The following CREB3L2 variants were observed in gnomAD, a reference collection of about 807,000 sequenced individuals.
CREB3L2 encodes cyclic AMP-responsive element-binding protein 3-like protein 2.
Under a neutral mutation model 57.2 loss-of-function variants are expected in CREB3L2, and 23 were observed. That is an observed-to-expected ratio of 0.40 (90% CI 0.29 to 0.57). CREB3L2 has a LOEUF of 0.57. Among genes scored for constraint, CREB3L2 ranks in the 20% least tolerant of loss-of-function variants. The pLI, the probability that CREB3L2 is intolerant of heterozygous loss-of-function variation, is 0.42. For synonymous variants in CREB3L2, 268 were observed against 265.1 expected (o/e 1.01, Z -0.11); for missense variants, 628 against 634.7 (o/e 0.99, Z 0.11).
At chr7:137,995,662 A>C (rs1377483930) in intron 1 of CREB3L2, among the ~76,000 whole-genome samples, 1 of 152,096 alleles carries the variant, frequency 6.6e-6, no homozygotes, top group Non-Finnish European at 1.5e-5. Flanking sequence ...CTCTTGCAAC[A>C]TGAGATAATT....
intron 4 of CREB3L2, among the ~76,000 whole-genome samples, chr7:137,911,071 C>T: frequency 6.6e-6 from 1 of 152,202 alleles, no homozygotes; most frequent in Non-Finnish European, 1.5e-5. Flanking sequence ...TTCTGAACCA[C>T]ATCACAGCAT....
At position 137,879,342 on chromosome 7, in the gene CREB3L2, A is replaced by T; in HGVS notation, c.*1134T>A. The T allele has an allele frequency of 2.0e-6, 1 of 510,956 alleles. No homozygotes were observed. The allele number at this position is 510,956 out of a possible 1,614,324, so 31.7% of individuals were successfully genotyped here. ...CGAGGAGGACAAAGTGGAAGTGTGG[A>T]GGGAGGAGGGGGCCAGGCAGGTGTG... On this transcript the variant is annotated 3_prime_UTR_variant, in exon 12 of 12. Transcript: ENST00000330387.
At chr7:137,984,237 T>C (rs1212777438) in intron 1 of CREB3L2, among the ~76,000 whole-genome samples, 1 of 152,218 alleles carries the variant, frequency 6.6e-6, no homozygotes, top group Admixed American at 6.5e-5. Context: ...TCTTCCTTAC[T>C]ATCAGACACC....
intron 1 of CREB3L2, among the ~76,000 whole-genome samples, chr7:137,968,754 C>T (rs1259760906): frequency 6.6e-6 from 1 of 152,162 alleles, no homozygotes; most frequent in Non-Finnish European, 1.5e-5. Context: ...CCCAGTATAC[C>T]ATCAGCTCAG....
intron 2 of CREB3L2, among the ~76,000 whole-genome samples, chr7:137,920,060 A>G (rs903189466): frequency 2.6e-5 from 4 of 152,168 alleles, no homozygotes; most frequent in African/African-American, 9.7e-5. Context: ...GGGTGTTTAG[A>G]AGCCCTTGAC....
intron 1 of CREB3L2, among the ~76,000 whole-genome samples, chr7:137,929,905 ATTTT>A (rs941697728): frequency 6.8e-6 from 1 of 146,344 alleles, no homozygotes; most frequent in African/African-American, 2.5e-5. Context: ...AATTAAAATA[ATTTT>A]TTTTTTGAGA....
At chr7:137,900,476 C>A (rs374818198) in intron 8 of CREB3L2, among the ~76,000 whole-genome samples, 98 of 152,186 alleles carry the variant, frequency 6.4e-4, no homozygotes, top group African/African-American at 2.2e-3. Context: ...AATAAACTAG[C>A]TAATTTTAAA....
At position 137,879,879 on chromosome 7, in the gene CREB3L2, T is replaced by C. The variant is rs959239579; in HGVS notation, c.*597A>G. 2 of 235,636 alleles carry C rather than the reference T, an allele frequency of 8.5e-6. No individual in the cohort carries two copies. Among genetic ancestry groups the C allele is most frequent in the Non-Finnish European group, 1.7e-5 (2 of 119,436 alleles). 14.6% of individuals were successfully genotyped at this position (235,636 alleles called of 1,614,324 possible). On this transcript the variant is annotated 3_prime_UTR_variant, in exon 12 of 12. Coordinates refer to ENST00000330387, the MANE Select transcript of CREB3L2 (RefSeq NM_194071.4). ...AGAAAAGCCTGATCCCCTCAGGCAT[T>C]GCACTTGCGGCCTGAGAATATGAAC...
At chr7:137,964,965 C>T (rs754345892) in intron 1 of CREB3L2, among the ~76,000 whole-genome samples, 1 of 152,096 alleles carries the variant, frequency 6.6e-6, no homozygotes, top group Admixed American at 6.6e-5. Flanking sequence ...TTTTGCCTTC[C>T]GCCAACCACG....
chr7:137,973,549 T>C (rs530711196), intron 1 of CREB3L2, among the ~76,000 whole-genome samples: 2 of 152,240 alleles, frequency 1.3e-5, no homozygotes, highest in Non-Finnish European at 2.9e-5. Context: ...AGAGATATCC[T>C]AAAGTCAAGA....
chr7:137,905,392 TAAAA>T (rs35597981), intron 6 of CREB3L2, among the ~76,000 whole-genome samples: 164 of 137,542 alleles, frequency 1.2e-3, no homozygotes, highest in African/African-American at 4.0e-3. Context: ...AAGGCTGAGT[TAAAA>T]AAAAAAAAAA....
At chr7:137,902,977 T>C (rs907784581) in intron 7 of CREB3L2, among the ~76,000 whole-genome samples, 2 of 151,996 alleles carry the variant, frequency 1.3e-5, no homozygotes, top group Non-Finnish European at 2.9e-5. Flanking sequence ...CCACCATGCC[T>C]GGCTAATTTT....
At chr7:137,926,201 T>C (rs1800452089) in intron 2 of CREB3L2, among the ~76,000 whole-genome samples, 1 of 152,142 alleles carries the variant, frequency 6.6e-6, no homozygotes, top group Non-Finnish European at 1.5e-5. Context: ...GAACCAGAAA[T>C]ACCATTTGAC....
chr7:137,953,725 T>G (rs551292874), intron 1 of CREB3L2, among the ~76,000 whole-genome samples: 14 of 152,344 alleles, frequency 9.2e-5, no homozygotes, highest in African/African-American at 2.9e-4. Context: ...AAAAATGCTT[T>G]GCCTAATCCT....
At chr7:137,919,999 C>T (rs1057006441) in intron 2 of CREB3L2, among the ~76,000 whole-genome samples, 2 of 152,212 alleles carry the variant, frequency 1.3e-5, no homozygotes, top group Non-Finnish European at 1.5e-5. Flanking sequence ...GCCTGCTCCA[C>T]TTCATGGCTT....
At chr7:137,885,316 C>A in intron 9 of CREB3L2, 87 bp downstream of exon 9, 1 of 1,287,760 alleles carries the variant, frequency 7.8e-7, no homozygotes, top group Non-Finnish European at 1.1e-6. Flanking sequence ...TCCTACAGCA[C>A]AGCACTTGGC....
intron 7 of CREB3L2, among the ~76,000 whole-genome samples, chr7:137,901,647 G>A (rs1421076476): frequency 6.6e-6 from 1 of 151,692 alleles, no homozygotes; most frequent in African/African-American, 2.4e-5. Context: ...TTGGGAGGCC[G>A]AAGCAGGCGG....
At chr7:137,974,613 G>C (rs1801572178) in intron 1 of CREB3L2, among the ~76,000 whole-genome samples, 1 of 152,178 alleles carries the variant, frequency 6.6e-6, no homozygotes, top group Non-Finnish European at 1.5e-5. Flanking sequence ...ATAGGCTACT[G>C]CAATAGTCCT....
chr7:137,929,673 C>T (rs1224998597), intron 1 of CREB3L2, among the ~76,000 whole-genome samples: 2 of 144,862 alleles, frequency 1.4e-5, no homozygotes, highest in East Asian at 2.1e-4. Context: ...CCAGCCTGGC[C>T]AACATAGTGA....
Sources: allele counts gnomAD v4.1 joint callset (sites outside exome capture counted in the v4.1 genomes callset), GRCh38; gene constraint gnomAD v4.1.1; transcripts MANE v1.5; gene names NCBI Gene and HGNC (gene_info 2026-07-23, HGNC 2026-07-21).